The following TTC6 variants were observed in gnomAD, a reference collection of about 807,000 sequenced individuals.
The protein encoded by TTC6 is tetratricopeptide repeat protein 6.
In TTC6, 172 loss-of-function variants were observed where a neutral mutation model predicts 210.4. The observed-to-expected ratio is 0.82, with a 90% confidence interval of 0.72 to 0.93. The LOEUF (loss-of-function observed/expected upper bound fraction) is 0.93. Among genes scored for constraint, TTC6 ranks in the 40% least tolerant of loss-of-function variants. TTC6 has a pLI of 0.00. For synonymous variants in TTC6, 804 were observed against 819.6 expected, an observed-to-expected ratio of 0.98 and a Z score of 0.32; for missense variants, 2,414 against 2,318.1, an observed-to-expected ratio of 1.04 and a Z score of -0.85.
At chr14:37,842,085 T>A in intron 30 of TTC6, 70 bp from the exon 33 acceptor site, 2 of 1,354,090 alleles carry the variant, frequency 1.5e-6, no homozygotes, top group Non-Finnish European at 1.9e-6. Context: ...TATCCAATTT[T>A]TTTTTGTAAA....
At chr14:37,838,735 G>T (rs760058379) in intron 29 of TTC6, among the ~76,000 whole-genome samples, 3 of 151,988 alleles carry the variant, frequency 2.0e-5, no homozygotes, top group Non-Finnish European at 4.4e-5. Context: ...ACAACGTGCA[G>T]GTTTGTTACA....
intron 1 of TTC6, among the ~76,000 whole-genome samples, chr14:37,628,133 G>A (rs1333721196): frequency 1.3e-5 from 2 of 152,110 alleles, no homozygotes; most frequent in African/African-American, 4.8e-5. Context: ...ACCACGCCTG[G>A]CTAACTTTGT....
At chr14:37,822,260 T>TA (rs1184086342) in intron 26 of TTC6, among the ~76,000 whole-genome samples, 1 of 152,044 alleles carries the variant, frequency 6.6e-6, no homozygotes, top group Non-Finnish European at 1.5e-5. Context: ...TATAGTTAAG[T>TA]AAAAAAAGTA....
intron 25 of TTC6, among the ~76,000 whole-genome samples, chr14:37,814,547 A>T (rs1298353857): frequency 6.6e-6 from 1 of 152,220 alleles, no homozygotes; most frequent in Non-Finnish European, 1.5e-5. Context: ...ACCAGTAGTT[A>T]TATTAAATGG....
chr14:37,765,164 T>A (rs2095995062), intron 14 of TTC6, among the ~76,000 whole-genome samples: 1 of 151,890 alleles, frequency 6.6e-6, no homozygotes, highest in African/African-American at 2.4e-5. Context: ...TTATAAATAT[T>A]AAAAAAATTT....
At chr14:37,634,750 A>G (rs1439543440) in intron 1 of TTC6, among the ~76,000 whole-genome samples, 1 of 152,256 alleles carries the variant, frequency 6.6e-6, no homozygotes, top group Admixed American at 6.5e-5. Context: ...CAATATGTTA[A>G]CCAATATGAG....
At chr14:37,733,599 A>G in intron 7 of TTC6, among the ~76,000 whole-genome samples, 1 of 152,200 alleles carries the variant, frequency 6.6e-6, no homozygotes, top group Non-Finnish European at 1.5e-5. Flanking sequence ...AAAGACTTTG[A>G]AGCTAATGCA....
chr14:37,792,657 G>A (rs970146195), intron 17 of TTC6, among the ~76,000 whole-genome samples: 1 of 151,164 alleles, frequency 6.6e-6, no homozygotes, highest in Non-Finnish European at 1.5e-5. Flanking sequence ...AATTACAAAA[G>A]CATTATATAC....
chr14:37,671,104 T>A (rs990014875), intron 1 of TTC6, among the ~76,000 whole-genome samples: 5 of 152,236 alleles, frequency 3.3e-5, no homozygotes, highest in African/African-American at 1.2e-4. Flanking sequence ...TGTGTCAAGA[T>A]CTTGTCTGGG....
intron 12 of TTC6, 97 bp downstream of exon 14, chr14:37,749,940 G>A (rs1161128278): frequency 1.1e-6 from 1 of 878,286 alleles, no homozygotes; most frequent in East Asian, 3.6e-5. Flanking sequence ...GTAGATATAT[G>A]TCCTGAAAAT....
At chr14:37,830,404 AT>A (rs760953715) in intron 29 of TTC6, among the ~76,000 whole-genome samples, 1 of 150,456 alleles carries the variant, frequency 6.6e-6, no homozygotes, top group African/African-American at 2.4e-5. Context: ...TTCAGTTAAC[AT>A]TTTTTTTTCT....
chr14:37,749,094 G>T (rs76442677), exon 11 of TTC6: 1 of 1,535,490 alleles, frequency 6.5e-7, no homozygotes, highest in African/African-American at 1.4e-5. Context: ...ATTGATCCTC[G>T]GACATGGGCT....
At chr14:37,684,901 G>A (rs567229456) in intron 3 of TTC6, among the ~76,000 whole-genome samples, 9 of 152,292 alleles carry the variant, frequency 5.9e-5, no homozygotes, top group East Asian at 5.8e-4. Flanking sequence ...GCACAGAGGT[G>A]TAATAAAGGA....
chr14:37,643,882 C>T (rs1054707192), intron 1 of TTC6, among the ~76,000 whole-genome samples: 3 of 152,114 alleles, frequency 2.0e-5, no homozygotes, highest in African/African-American at 4.8e-5. Flanking sequence ...ATTATGCTGT[C>T]GAGACCTGCC....
intron 10 of TTC6, among the ~76,000 whole-genome samples, chr14:37,748,385 C>T (rs1289454905): frequency 2.0e-5 from 3 of 152,136 alleles, no homozygotes; most frequent in East Asian, 3.9e-4. Context: ...ACATGTTACT[C>T]AATGAAGACT....
chr14:37,736,119 C>A (rs1007778744), intron 8 of TTC6, 109 bp downstream of exon 10: 1 of 637,638 alleles, frequency 1.6e-6, no homozygotes, highest in Admixed American at 2.8e-5. Flanking sequence ...GGCATGGTGG[C>A]TCATGTCTGT....
intron 1 of TTC6, among the ~76,000 whole-genome samples, chr14:37,647,920 A>G (rs1198203591): frequency 6.6e-6 from 1 of 152,160 alleles, no homozygotes; most frequent in Non-Finnish European, 1.5e-5. Context: ...AAACATTTCA[A>G]GAAGGATGCA....
chr14:37,647,691 G>C (rs1263331146), intron 1 of TTC6, among the ~76,000 whole-genome samples: 1 of 152,144 alleles, frequency 6.6e-6, no homozygotes, highest in Admixed American at 6.6e-5. Context: ...GTTAGGGTTA[G>C]AGGGATGGGA....
intron 1 of TTC6, among the ~76,000 whole-genome samples, chr14:37,627,380 T>A (rs2139322600): frequency 6.6e-6 from 1 of 152,234 alleles, no homozygotes; most frequent in Non-Finnish European, 1.5e-5. Context: ...GATATAGAAG[T>A]GTCATGGTGG....
Sources: allele counts gnomAD v4.1 joint callset (sites outside exome capture counted in the v4.1 genomes callset), GRCh38; gene constraint gnomAD v4.1.1; transcripts MANE v1.5; gene names NCBI Gene and HGNC (gene_info 2026-07-23, HGNC 2026-07-21).